CPE: variants seen among roughly 807,000 people sequenced by gnomAD.
CPE encodes carbocypeptidase E.
In CPE, 17 loss-of-function variants were observed where a neutral mutation model predicts 53.5. That is an observed-to-expected ratio of 0.32 (90% CI 0.22 to 0.48). The LOEUF (loss-of-function observed/expected upper bound fraction) is 0.48, where lower values mean the gene tolerates loss of function less well. CPE is among the 20% of genes least tolerant of loss of function. The probability of loss-of-function intolerance (pLI) is 0.99; values close to 1 mark genes in which losing one functional copy is unlikely to be tolerated. For missense variants in CPE, 524 were observed against 614.7 expected (o/e 0.85, Z 1.56); for synonymous variants, 226 against 228.8 (o/e 0.99, Z 0.11).
intron 6 of CPE, among the ~76,000 whole-genome samples, chr4:165,490,663 C>T (rs1732587498): frequency 6.8e-6 from 1 of 147,048 alleles, no homozygotes; most frequent in Non-Finnish European, 1.5e-5. Context: ...AAGAATGGTT[C>T]ATGGGCACCT....
chr4:165,458,046 A>C (rs1270405978), intron 1 of CPE, among the ~76,000 whole-genome samples: 1 of 152,216 alleles, frequency 6.6e-6, no homozygotes, highest in East Asian at 1.9e-4. Flanking sequence ...AATGATTTAC[A>C]GTCTATAATA....
chr4:165,489,034 A>G (rs1376080620), intron 6 of CPE, among the ~76,000 whole-genome samples: 2 of 152,208 alleles, frequency 1.3e-5, no homozygotes, highest in East Asian at 3.8e-4. Context: ...GCTGCATGTT[A>G]GCTTAAAAAG....
intron 1 of CPE, among the ~76,000 whole-genome samples, chr4:165,445,175 C>G (rs1455239427): frequency 6.6e-6 from 1 of 152,074 alleles, no homozygotes; most frequent in Non-Finnish European, 1.5e-5. Context: ...GGGCTGGTCT[C>G]GAACTCATGA....
chr4:165,409,445 C>A (rs1731001909), intron 1 of CPE, among the ~76,000 whole-genome samples: 1 of 152,192 alleles, frequency 6.6e-6, no homozygotes, highest in South Asian at 2.1e-4. Flanking sequence ...CTCAAGTGAT[C>A]CGCCCGCCTC....
intron 1 of CPE, among the ~76,000 whole-genome samples, chr4:165,462,219 C>T (rs1732019926): frequency 6.6e-6 from 1 of 152,194 alleles, no homozygotes; most frequent in African/African-American, 2.4e-5. Context: ...CTAGGGGGAG[C>T]ATGCTCTATC....
chr4:165,393,152 G>C (rs1730711843), intron 1 of CPE, among the ~76,000 whole-genome samples: 1 of 151,944 alleles, frequency 6.6e-6, no homozygotes, highest in Non-Finnish European at 1.5e-5. Flanking sequence ...ACTATGTTTT[G>C]TAAAAACTCA....
chr4:165,471,396 C>T (rs1175644086), intron 3 of CPE, among the ~76,000 whole-genome samples: 2 of 152,194 alleles, frequency 1.3e-5, no homozygotes, highest in Non-Finnish European at 2.9e-5. Flanking sequence ...AGATTATAGT[C>T]TGTTATGTTC....
At chr4:165,485,552 T>C (rs777122845) in intron 5 of CPE, among the ~76,000 whole-genome samples, 12 of 152,202 alleles carry the variant, frequency 7.9e-5, no homozygotes, top group Non-Finnish European at 1.5e-4. Flanking sequence ...TTCAGAAATA[T>C]GATCTATGTC....
At chr4:165,420,138 TA>T (rs1731184873) in intron 1 of CPE, among the ~76,000 whole-genome samples, 1 of 152,174 alleles carries the variant, frequency 6.6e-6, no homozygotes, top group African/African-American at 2.4e-5. Flanking sequence ...TTTATCTCTT[TA>T]ATTATTTTCT....
intron 1 of CPE, among the ~76,000 whole-genome samples, chr4:165,454,927 C>T (rs1299239599): frequency 6.6e-6 from 1 of 152,196 alleles, no homozygotes; most frequent in East Asian, 1.9e-4. Flanking sequence ...AGTCCAGCCT[C>T]ACAGCTTGTC....
chr4:165,406,970 T>C (rs1391908367), intron 1 of CPE, among the ~76,000 whole-genome samples: 1 of 152,260 alleles, frequency 6.6e-6, no homozygotes, highest in East Asian at 1.9e-4. Flanking sequence ...TACCATATTT[T>C]GTTTTTCCAT....
At chr4:165,488,972 G>A (rs1488233240) in intron 6 of CPE, among the ~76,000 whole-genome samples, 1 of 152,182 alleles carries the variant, frequency 6.6e-6, no homozygotes, top group East Asian at 1.9e-4. Context: ...ATGTCAGATG[G>A]TGATTAAAGA....
At position 165,379,174 on chromosome 4, in the gene CPE, G is replaced by A. The variant is rs1730458763; in HGVS notation, c.-48G>A. On this transcript the variant is annotated 5_prime_UTR_variant, in exon 1 of 9. Coordinates refer to ENST00000402744, the MANE Select transcript of CPE (RefSeq NM_001873.4). This position sits in a 1 kb window ranked among gnomAD's most constrained non-coding sequence, Gnocchi z 6.0. ...TAAGCCCAGGGCCGGGCAGACAAAA[G>A]AGGCCGCCCGCGTAGGAAGGCACGG... 2.5e-6 allele frequency: 3 copies of A among 1,218,424 alleles called. No homozygotes were observed. The highest frequency in any genetic ancestry group is 4.3e-5 in the Admixed American group (1 of 23,008). The allele number at this position is 1,218,424 out of a possible 1,614,324, so 75.5% of individuals were successfully genotyped here. A position where few individuals can be genotyped will look rare whatever the true frequency, so the allele number is the denominator to read the frequency against.
chr4:165,429,650 C>T (rs1414096270), intron 1 of CPE, among the ~76,000 whole-genome samples: 1 of 151,166 alleles, frequency 6.6e-6, no homozygotes, highest in African/African-American at 2.4e-5. Context: ...TGCAATGAAT[C>T]GAGATCGTGC....
At chr4:165,435,510 T>C (rs1460620657) in intron 1 of CPE, among the ~76,000 whole-genome samples, 1 of 152,188 alleles carries the variant, frequency 6.6e-6, no homozygotes, top group African/African-American at 2.4e-5. Context: ...AAATATTAAT[T>C]CCTGAAAGTT....
At chr4:165,405,068 T>C (rs1013606962) in intron 1 of CPE, 4 of 720,330 alleles carry the variant, frequency 5.6e-6, no homozygotes, top group African/African-American at 5.2e-5. Context: ...GTAATCAAGC[T>C]TCCCAGTCAA....
intron 1 of CPE, among the ~76,000 whole-genome samples, chr4:165,459,952 G>A (rs1731972098): frequency 6.8e-6 from 1 of 147,598 alleles, no homozygotes; most frequent in Non-Finnish European, 1.5e-5. Flanking sequence ...ATGAATTAGT[G>A]AAGAAAGTAA....
intron 7 of CPE, among the ~76,000 whole-genome samples, chr4:165,494,079 A>G (rs1732658285): frequency 6.6e-6 from 1 of 152,078 alleles, no homozygotes. Context: ...TATAGCTTGG[A>G]TTAAAAAAAA....
chr4:165,398,098 A>G (rs1730801625), intron 1 of CPE, among the ~76,000 whole-genome samples: 1 of 150,684 alleles, frequency 6.6e-6, no homozygotes, highest in Non-Finnish European at 1.5e-5. Context: ...TTTTAATGTT[A>G]TCTTGTACAT....
Sources: allele counts gnomAD v4.1 joint callset (sites outside exome capture counted in the v4.1 genomes callset), GRCh38; gene constraint gnomAD v4.1.1; non-coding constraint Gnocchi (gnomAD v3.1); transcripts MANE v1.5; gene names NCBI Gene and HGNC (gene_info 2026-07-23, HGNC 2026-07-21).